The following AKR1B10 variants were observed in gnomAD, a reference collection of about 807,000 sequenced individuals.
The protein encoded by AKR1B10 is ARP.
Under a neutral mutation model 38.9 loss-of-function variants are expected in AKR1B10, and 39 were observed. The ratio of observed to expected loss-of-function variants is 1.00; its 90% CI spans 0.78 to 1.31. AKR1B10 has a LOEUF of 1.31. AKR1B10 is among the 50% of genes most tolerant of loss of function. The probability of loss-of-function intolerance (pLI) is 0.00; values close to 1 mark genes in which losing one functional copy is unlikely to be tolerated. For synonymous variants in AKR1B10, 148 were observed against 141.2 expected, an observed-to-expected ratio of 1.05 and a Z score of -0.34; for missense variants, 361 against 382.6, an observed-to-expected ratio of 0.94 and a Z score of 0.47.
rs1808146059 is a variant in AKR1B10, at chr7:134,541,332, A to G, written c.*243A>G. Reference sequence around the variant, plus strand: ...CAATTTTTTCCACTTATCTGATCAGAACAAATGTTTATTAAGCATCAGAAA... The same window carrying G: ...CAATTTTTTCCACTTATCTGATCAGGACAAATGTTTATTAAGCATCAGAAA... On this transcript the variant is annotated 3_prime_UTR_variant, in exon 10 of 10. Coordinates refer to ENST00000359579, the MANE Select transcript of AKR1B10 (RefSeq NM_020299.5). 2.4e-6 allele frequency: 1 copy of G among 424,982 alleles called. No homozygotes were observed. Among genetic ancestry groups the G allele is most frequent in the African/African-American group, 2.1e-5 (1 of 47,988 alleles). 26.3% of individuals were successfully genotyped at this position (424,982 alleles called of 1,614,324 possible).
rs1585757147 is a variant in AKR1B10, at chr7:134,538,041, T to C, written c.742-153T>C. ...GTGAAGGGAGAGAAAGAGGTGGGGG[T>C]CTGGCACAAGTCTAATAGCTGTGAA... On this transcript the variant is annotated intron_variant, in intron 7 of 9. Coordinates refer to ENST00000359579, the MANE Select transcript of AKR1B10 (RefSeq NM_020299.5). 1.1e-5 allele frequency: 8 copies of C among 752,430 alleles called. No individual in the cohort carries two copies. The South Asian group carries it at 1.1e-4, about 10-fold the overall frequency. 46.6% of individuals were successfully genotyped at this position (752,430 alleles called of 1,614,324 possible).
At chr7:134,532,868 A>C in intron 3 of AKR1B10, 136 bp from the exon 4 acceptor site, 2 of 677,918 alleles carry the variant, frequency 3.0e-6, no homozygotes, top group Non-Finnish European at 2.6e-6. Flanking sequence ...TCACATTCCT[A>C]AAGTATGTAC....
In AKR1B10 at chr7:134,541,321, T is replaced by G. The variant is rs570685237; in HGVS notation, c.*232T>G. On this transcript the variant is annotated 3_prime_UTR_variant, in exon 10 of 10. Coordinates refer to ENST00000359579, the MANE Select transcript of AKR1B10 (RefSeq NM_020299.5). ...TAAGGAAATGACAATTTTTTCCACT[T>G]ATCTGATCAGAACAAATGTTTATTA... The G allele has an allele frequency of 4.5e-5, 21 of 467,726 alleles. No individual in the cohort carries two copies. In the South Asian group the frequency reaches 5.2e-4, roughly 11 times the overall value. The allele number at this position is 467,726 out of a possible 1,614,324, so 29.0% of individuals were successfully genotyped here.
Position 134,541,307 on chromosome 7 carries a change from C to A in AKR1B10, c.*218C>A. 1 of 486,114 alleles carries A rather than the reference C, an allele frequency of 2.1e-6. No individual in the cohort carries two copies. The highest frequency in any genetic ancestry group is 4.0e-5 in the Admixed American group (1 of 25,080). The allele number at this position is 486,114 out of a possible 1,614,324, so 30.1% of individuals were successfully genotyped here. On this transcript the variant is annotated 3_prime_UTR_variant, in exon 10 of 10. Transcript: ENST00000359579. Reference sequence around the variant, plus strand: ...AAGCATGGCTTGAATAAGGAAATGACAATTTTTTCCACTTATCTGATCAGA... The same window carrying A: ...AAGCATGGCTTGAATAAGGAAATGAAAATTTTTTCCACTTATCTGATCAGA...
In AKR1B10 at chr7:134,541,320, T is replaced by G; in HGVS notation, c.*231T>G. The G allele has an allele frequency of 2.1e-6, 1 of 469,600 alleles. No homozygotes were observed. Among genetic ancestry groups the G allele is most frequent in the South Asian group, 2.6e-5 (1 of 38,638 alleles). The allele number at this position is 469,600 out of a possible 1,614,324, so 29.1% of individuals were successfully genotyped here. Reference sequence around the variant, plus strand: ...ATAAGGAAATGACAATTTTTTCCACTTATCTGATCAGAACAAATGTTTATT... The same window carrying G: ...ATAAGGAAATGACAATTTTTTCCACGTATCTGATCAGAACAAATGTTTATT... On this transcript the variant is annotated 3_prime_UTR_variant, in exon 10 of 10. Coordinates refer to ENST00000359579, the MANE Select transcript of AKR1B10 (RefSeq NM_020299.5).
chr7:134,541,150 C>A lies in AKR1B10; in HGVS notation c.*61C>A. On this transcript the variant is annotated 3_prime_UTR_variant, in exon 10 of 10. Transcript: ENST00000359579. Reference sequence around the variant, plus strand: ...TCTTTCTTCGCTGAAGTGTGACTACCTCCACTCATGTCCCATTTTAGCCAA... The same window carrying A: ...TCTTTCTTCGCTGAAGTGTGACTACATCCACTCATGTCCCATTTTAGCCAA... The A allele has an allele frequency of 7.9e-7, 1 of 1,273,622 alleles. No homozygotes were observed. Among genetic ancestry groups the A allele is most frequent in the Non-Finnish European group, 1.1e-6 (1 of 888,660 alleles). The allele number at this position is 1,273,622 out of a possible 1,614,324, so 78.9% of individuals were successfully genotyped here.
In AKR1B10 at chr7:134,541,396, A is replaced by C; in HGVS notation, c.*307A>C. On this transcript the variant is annotated 3_prime_UTR_variant, in exon 10 of 10. Transcript: ENST00000359579. ...GAGGATGTAAAGATCAATAAAAAAAATAATAATCATAACCAACATGTATTG... is the reference window on the plus strand; with the variant it reads ...GAGGATGTAAAGATCAATAAAAAAACTAATAATCATAACCAACATGTATTG... The C allele has an allele frequency of 6.6e-6, 2 of 303,316 alleles. No individual in the cohort carries two copies. The highest frequency in any genetic ancestry group is 1.2e-5 in the Non-Finnish European group (2 of 165,642). The allele number at this position is 303,316 out of a possible 1,614,324, so 18.8% of individuals were successfully genotyped here.
At chr7:134,540,289 A>C (rs1808115355) in intron 9 of AKR1B10, among the ~76,000 whole-genome samples, 1 of 152,046 alleles carries the variant, frequency 6.6e-6, no homozygotes, top group African/African-American at 2.4e-5. Flanking sequence ...TATCCTGCCC[A>C]CCCTAAGTAT....
intron 1 of AKR1B10, among the ~76,000 whole-genome samples, chr7:134,528,912 G>A (rs530335878): frequency 2.0e-5 from 3 of 152,254 alleles, no homozygotes; most frequent in African/African-American, 7.2e-5. Flanking sequence ...GGAGTCGTGA[G>A]CACCACCCGG....
At chr7:134,529,919 G>A (rs988112572) in intron 1 of AKR1B10, among the ~76,000 whole-genome samples, 4 of 151,020 alleles carry the variant, frequency 2.6e-5, no homozygotes, top group Non-Finnish European at 4.4e-5. Context: ...TTTCTGAAAC[G>A]ATCATTGTAT....
rs1554396830 is a variant in AKR1B10, at chr7:134,535,608, T to TTTTTTTTG, written c.430-1042_430-1041insTTTTTTTG. 1.1e-5 allele frequency: 10 copies of TTTTTTTTG among 881,246 alleles called. No individual in the cohort carries two copies. The Admixed American group carries it at 2.6e-4, about 23-fold the overall frequency. The allele number at this position is 881,246 out of a possible 1,614,324, so 54.6% of individuals were successfully genotyped here. Reference sequence around the variant, plus strand: ...GTCTTTTTTTTTTTTTTTTTTTTTTTCTTTTGAGGCCCAGCTTATACTCTA... The same window carrying TTTTTTTTG: ...GTCTTTTTTTTTTTTTTTTTTTTTTTTTTTTTTGCTTTTGAGGCCCAGCTTATACTCTA... On this transcript the variant is annotated intron_variant, in intron 4 of 9. Transcript: ENST00000359579.
At chr7:134,531,824 T>A in intron 2 of AKR1B10, 84 bp from the exon 3 acceptor site, 1 of 1,518,826 alleles carries the variant, frequency 6.6e-7, no homozygotes, top group Non-Finnish European at 9.1e-7. Context: ...TAGATGAGGA[T>A]GCAAATCAAA....
At position 134,527,722 on chromosome 7, in the gene AKR1B10, T is replaced by A; in HGVS notation, c.-190T>A. On this transcript the variant is annotated 5_prime_UTR_variant, in exon 1 of 10. Transcript: ENST00000359579. ...TTAGCTGGGAGTCACGGTGGGCGCCTGTAATCCCAGCTACTCGGGAGGCTG... is the reference window on the plus strand; with the variant it reads ...TTAGCTGGGAGTCACGGTGGGCGCCAGTAATCCCAGCTACTCGGGAGGCTG... 1 of 431,288 alleles carries A rather than the reference T, an allele frequency of 2.3e-6. No individual in the cohort carries two copies. Among genetic ancestry groups the A allele is most frequent in the Non-Finnish European group, 3.7e-6 (1 of 267,276 alleles). 26.7% of individuals were successfully genotyped at this position (431,288 alleles called of 1,614,324 possible).
chr7:134,528,836 A>G (rs1807771179), intron 1 of AKR1B10, among the ~76,000 whole-genome samples: 2 of 152,104 alleles, frequency 1.3e-5, no homozygotes, highest in Admixed American at 6.5e-5. Flanking sequence ...CTTTAACAAG[A>G]TCCCTACGTG....
At chr7:134,532,051 C>T (rs1197915996) in intron 3 of AKR1B10, 27 bp downstream of exon 3, 19 of 1,613,414 alleles carry the variant, frequency 1.2e-5, no homozygotes, top group Non-Finnish European at 1.6e-5. Flanking sequence ...TTCTCAGCCT[C>T]TAGTTTCTGA....
Position 134,539,014 on chromosome 7 carries a change from T to C in AKR1B10, c.905T>C (p.Leu302Ser), listed in dbSNP as rs1167409743. Residue 302 changes from leucine to serine, a missense_variant, in exon 9 of 10, where the codon TTG becomes TCG. By Grantham distance (145) the Leu-to-Ser change is moderately radical (BLOSUM62 -2). Transcript: ENST00000359579. ...FNRNWRACNV[L>S]QSSHLEDYPF... ...AGAAACTGGAGGGCCTGTAACGTGT[T>C]GCAGTAAGTGGCATGGAGTTAACTA... 1 of 1,613,848 alleles carries C rather than the reference T, an allele frequency of 6.2e-7. No homozygotes were observed. Among genetic ancestry groups the C allele is most frequent in the Non-Finnish European group, 8.5e-7 (1 of 1,179,708 alleles).
chr7:134,540,339 T>C (rs185726449), intron 9 of AKR1B10, among the ~76,000 whole-genome samples: 1 of 152,332 alleles, frequency 6.6e-6, no homozygotes, highest in East Asian at 1.9e-4. Context: ...CTTACTTTTA[T>C]TGGAGCTTAA....
chr7:134,540,240 T>C (rs1181809372), intron 9 of AKR1B10, among the ~76,000 whole-genome samples: 1 of 152,092 alleles, frequency 6.6e-6, no homozygotes, highest in African/African-American at 2.4e-5. Flanking sequence ...AAGGTTTCAG[T>C]ATCTCAAGCG....
chr7:134,533,117 G>A (rs746192793), intron 4 of AKR1B10, 36 bp downstream of exon 4: 31 of 1,512,158 alleles, frequency 2.1e-5, no homozygotes, highest in Non-Finnish European at 2.5e-5. Context: ...TGCTGGGAGA[G>A]AAATCTTCAG....
Sources: gnomAD v4.1 joint callset for allele counts (sites outside exome capture counted in the v4.1 genomes callset) on GRCh38, gnomAD v4.1.1 for gene constraint, MANE v1.5 for transcripts, NCBI Gene and HGNC (gene_info 2026-07-23, HGNC 2026-07-21) for gene names.